Variants in FAM241A observed in about 807,000 individuals in gnomAD.
FAM241A encodes family with sequence similarity 241 member A.
A neutral mutation model predicts 12.2 loss-of-function variants in FAM241A; 7 were observed. The observed-to-expected ratio is 0.58, with a 90% CI of 0.33 to 1.08. The LOEUF is 1.08. Among genes scored for constraint, FAM241A ranks in the 50% least tolerant of loss-of-function variants. FAM241A has a pLI of 0.04. For missense variants in FAM241A, 161 were observed against 169.7 expected, an observed-to-expected ratio of 0.95 and a Z score of 0.29; for synonymous variants, 74 against 68.2, an observed-to-expected ratio of 1.08 and a Z score of -0.42.
chr4:112,158,606 A>G (rs1218177468), intron 1 of FAM241A, among the ~76,000 whole-genome samples: 1 of 152,150 alleles, frequency 6.6e-6, no homozygotes, highest in Non-Finnish European at 1.5e-5. Flanking sequence ...GAACAAGTAA[A>G]TCATTGGGTT....
At chr4:112,158,928 T>A (rs554356169) in intron 1 of FAM241A, among the ~76,000 whole-genome samples, 1 of 152,260 alleles carries the variant, frequency 6.6e-6, no homozygotes, top group African/African-American at 2.4e-5. Flanking sequence ...GAACACTAGA[T>A]TTTTTCTGAC....
intron 1 of FAM241A, among the ~76,000 whole-genome samples, chr4:112,163,873 A>C (rs1014828156): frequency 6.6e-6 from 1 of 152,230 alleles, no homozygotes; most frequent in Non-Finnish European, 1.5e-5. Context: ...CCAAGTGTCC[A>C]TCAGTGATAG....
chr4:112,163,437 T>A (rs1401865689), intron 1 of FAM241A, among the ~76,000 whole-genome samples: 2 of 152,136 alleles, frequency 1.3e-5, no homozygotes, highest in African/African-American at 4.8e-5. Context: ...ATACAGAATC[T>A]ACAAAGAACT....
At chr4:112,178,535 C>A (rs1338580298) in intron 1 of FAM241A, among the ~76,000 whole-genome samples, 2 of 152,102 alleles carry the variant, frequency 1.3e-5, no homozygotes, top group Non-Finnish European at 2.9e-5. Context: ...CTCAGACTAT[C>A]CTAGAAGAAA....
Position 112,191,649 on chromosome 4 carries a change from A to ATATC in FAM241A, c.*4714_*4717dup, listed in dbSNP as rs1410112277. ...TAACTGCTCCCTACCAGACTGACCA[A>ATATC]TATCTACACAGCCTTAAGACCTCAA... is the stretch of plus-strand genomic sequence containing the variant. On this transcript the variant is annotated 3_prime_UTR_variant, in exon 2 of 2. Transcript: ENST00000309733. 4.6e-5 allele frequency: 7 copies of ATATC among 152,130 alleles called. No homozygotes were observed. The highest frequency in any genetic ancestry group is 4.6e-4 in the Admixed American group (7 of 15,270). 9.4% of individuals were successfully genotyped at this position (152,130 alleles called of 1,614,324 possible). A position where few individuals can be genotyped will look rare whatever the true frequency, so the allele number is the denominator to read the frequency against.
At position 112,179,939 on chromosome 4, in the gene FAM241A, GTATA is replaced by G. The variant is rs1167145389; in HGVS notation, c.154-6752_154-6749del. ...GATATATATATATATATATATATAT[GTATA>G]TGTGTGTGTGTGTGTGTATATATAT... On this transcript the variant is annotated intron_variant, in intron 1 of 1. Transcript: ENST00000309733. Among the ~76,000 whole-genome samples the G allele has an allele frequency of 6.8e-4, 53 of 77,450 alleles. 1 individual carries two copies. The highest frequency in any genetic ancestry group is 5.8e-3 in the East Asian group (10 of 1,712). The allele number at this position is 77,450 out of a possible 152,430, so 50.8% of individuals were successfully genotyped here. A position where few individuals can be genotyped will look rare whatever the true frequency, so the allele number is the denominator to read the frequency against.
At chr4:112,171,675 C>G (rs539386115) in intron 1 of FAM241A, 13 of 444,894 alleles carry the variant, frequency 2.9e-5, no homozygotes, top group African/African-American at 2.2e-4. Flanking sequence ...CTGGCTAACA[C>G]GGTGAAACCT....
chr4:112,183,571 G>A (rs1460586078), intron 1 of FAM241A, among the ~76,000 whole-genome samples: 1 of 150,530 alleles, frequency 6.6e-6, no homozygotes, highest in Non-Finnish European at 1.5e-5. Context: ...CCAGATTAGG[G>A]TACTTTCTTC....
intron 1 of FAM241A, among the ~76,000 whole-genome samples, chr4:112,169,554 A>G (rs1322336281): frequency 1.3e-5 from 2 of 152,248 alleles, no homozygotes; most frequent in Non-Finnish European, 2.9e-5. Flanking sequence ...TGGATGGACA[A>G]TTATCAAGAG....
Position 112,192,147 on chromosome 4 carries a change from G to C in FAM241A, c.*5209G>C, listed in dbSNP as rs919160168. 1.3e-5 allele frequency: 2 copies of C among 151,998 alleles called. No individual in the cohort carries two copies. The highest frequency in any genetic ancestry group is 4.8e-5 in the African/African-American group (2 of 41,342). The allele number at this position is 151,998 out of a possible 1,614,324, so 9.4% of individuals were successfully genotyped here. On this transcript the variant is annotated 3_prime_UTR_variant, in exon 2 of 2. Transcript: ENST00000309733. ...GATAAAAGAATACTGCTGTTATTTGGATACATACACAGTATTTCCACTATA... is the reference window on the plus strand; with the variant it reads ...GATAAAAGAATACTGCTGTTATTTGCATACATACACAGTATTTCCACTATA...
chr4:112,147,783 A>G (rs1723170422), intron 1 of FAM241A, among the ~76,000 whole-genome samples: 1 of 152,182 alleles, frequency 6.6e-6, no homozygotes, highest in Admixed American at 6.5e-5. Flanking sequence ...TTCTAAGTTA[A>G]TGATTTAGAA....
chr4:112,182,354 TGTA>T (rs1723956618), intron 1 of FAM241A, among the ~76,000 whole-genome samples: 2 of 152,226 alleles, frequency 1.3e-5, no homozygotes, highest in African/African-American at 4.8e-5. Flanking sequence ...TGTTGTTACT[TGTA>T]GTAGTTTTGT....
At chr4:112,162,290 C>A (rs377406045) in intron 1 of FAM241A, among the ~76,000 whole-genome samples, 4 of 152,110 alleles carry the variant, frequency 2.6e-5, no homozygotes, top group Non-Finnish European at 5.9e-5. Flanking sequence ...ATTCAACATA[C>A]TGTTGGAAGT....
intron 1 of FAM241A, among the ~76,000 whole-genome samples, chr4:112,164,959 A>G (rs1003691408): frequency 6.6e-6 from 1 of 152,130 alleles, no homozygotes; most frequent in African/African-American, 2.4e-5. Context: ...AAAAATACAA[A>G]AAAACTAGCT....
chr4:112,175,862 A>G (rs940007572), intron 1 of FAM241A, among the ~76,000 whole-genome samples: 2 of 152,214 alleles, frequency 1.3e-5, no homozygotes, highest in African/African-American at 2.4e-5. Flanking sequence ...AAAAGCAGGT[A>G]AAGTATGGTT....
chr4:112,167,235 G>C (rs1030053006), intron 1 of FAM241A, among the ~76,000 whole-genome samples: 4 of 152,004 alleles, frequency 2.6e-5, no homozygotes, highest in African/African-American at 9.7e-5. Flanking sequence ...AATCATTAGA[G>C]AAGATGAACT....
intron 1 of FAM241A, among the ~76,000 whole-genome samples, chr4:112,179,761 C>A (rs1723891779): frequency 6.7e-6 from 1 of 148,928 alleles, no homozygotes; most frequent in African/African-American, 2.5e-5. Context: ...ACCATTTGAC[C>A]CAGCAATCCT....
At chr4:112,178,936 A>G (rs1723874317) in intron 1 of FAM241A, among the ~76,000 whole-genome samples, 2 of 152,202 alleles carry the variant, frequency 1.3e-5, no homozygotes, top group South Asian at 4.1e-4. Flanking sequence ...ACCATCTCAT[A>G]CTAGACAGAA....
At chr4:112,179,563 TG>T (rs1214549199) in intron 1 of FAM241A, among the ~76,000 whole-genome samples, 1 of 148,768 alleles carries the variant, frequency 6.7e-6, no homozygotes, top group Non-Finnish European at 1.5e-5. Flanking sequence ...TGTAGTGGGG[TG>T]GGGAGAAGGG....
Sources: gnomAD v4.1 joint callset for allele counts (sites outside exome capture counted in the v4.1 genomes callset) on GRCh38, gnomAD v4.1.1 for gene constraint, MANE v1.5 for transcripts, NCBI Gene and HGNC (gene_info 2026-07-23, HGNC 2026-07-21) for gene names.